Variants in HYDIN observed in about 807,000 individuals in gnomAD.
The protein encoded by HYDIN is axonemal central pair apparatus protein HYDIN.
Under a neutral mutation model 403.9 loss-of-function variants are expected in HYDIN, and 132 were observed. That is an observed-to-expected ratio of 0.33 (90% CI 0.28 to 0.38). The LOEUF is 0.38. Ranked by LOEUF, HYDIN falls within the 10% of genes least tolerant of loss-of-function variation. The probability of loss-of-function intolerance (pLI) is 1.00; values close to 1 mark genes in which losing one functional copy is unlikely to be tolerated. For synonymous variants in HYDIN, 1,202 were observed against 1,891.7 expected, an observed-to-expected ratio of 0.64 and a Z score of 9.46; for missense variants, 2,827 against 5,009.5, an observed-to-expected ratio of 0.56 and a Z score of 13.15.
intron 80 of HYDIN, among the ~76,000 whole-genome samples, chr16:70,831,308 G>C (rs2036966839): frequency 6.6e-6 from 1 of 151,696 alleles, no homozygotes; most frequent in Non-Finnish European, 1.5e-5. Context: ...TCAGGAGTTT[G>C]AGACCAACCC....
At position 70,840,220 on chromosome 16, in the gene HYDIN, G is replaced by A; in HGVS notation, c.12887C>T (p.Pro4296Leu). 2.2e-6 allele frequency: 2 copies of A among 909,990 alleles called. No individual in the cohort carries two copies. The highest frequency in any genetic ancestry group is 3.3e-6 in the Non-Finnish European group (2 of 608,836). The allele number at this position is 909,990 out of a possible 1,614,324, so 56.4% of individuals were successfully genotyped here. ...GCCTGAGATGTTGCACATAAATGTTGGACCATGGCTGATCTGTGAGGAGGA... is the reference window on the plus strand; with the variant it reads ...GCCTGAGATGTTGCACATAAATGTTAGACCATGGCTGATCTGTGAGGAGGA... ...LELIIKISHG[P>L]TFMCNISGCA... The change falls in exon 76 of 86, where the codon CCA becomes CTA. Residue 4296 changes from proline to leucine, a missense_variant. Transcript: ENST00000393567.
rs888794030 is a variant in HYDIN, at chr16:70,806,063, G to A, written c.*1517C>T. On this transcript the variant is annotated 3_prime_UTR_variant, in exon 86 of 86. Coordinates refer to ENST00000393567, the MANE Select transcript of HYDIN (RefSeq NM_001270974.2). ...TTAGCAGGTCAACTGTCATGGGATC[G>A]CAATGCTTGTGTTCAAGGAAACCTT... Among the ~76,000 whole-genome samples, 9 of 152,142 alleles carry A rather than the reference G, an allele frequency of 5.9e-5. No individual in the cohort carries two copies. Among genetic ancestry groups the A allele is most frequent in the Non-Finnish European group, 7.3e-5 (5 of 68,032 alleles).
chr16:71,230,099 G>C (rs1482395076), intron 1 of HYDIN, among the ~76,000 whole-genome samples: 1 of 152,238 alleles, frequency 6.6e-6, no homozygotes, highest in East Asian at 1.9e-4. Flanking sequence ...CCCCAGCCAA[G>C]TGGAACTGTG....
chr16:70,938,730 C>G lies in HYDIN; in HGVS notation c.6879G>C (p.Glu2293Asp). ...QEERKHKGAL[E>D]KEKERLQNMD... ...TGTTTTGGAGACGCTCCTTCTCTTT[C>G]TCAAGAGCTCCCTTGTGCTTGCGTT... Residue 2293 changes from glutamate to aspartate, a missense_variant, in exon 44 of 86, where the codon GAG (glutamate) becomes GAC (aspartate). By Grantham distance (45) the Glu-to-Asp change is conservative. Coordinates refer to ENST00000393567, the MANE Select transcript of HYDIN (RefSeq NM_001270974.2). The G allele has an allele frequency of 6.2e-7, 1 of 1,614,188 alleles. No homozygotes were observed. Among genetic ancestry groups the G allele is most frequent in the Non-Finnish European group, 8.5e-7 (1 of 1,180,050 alleles).
At chr16:70,824,851 T>A (rs1315730110) in intron 83 of HYDIN, among the ~76,000 whole-genome samples, 7 of 151,516 alleles carry the variant, frequency 4.6e-5, no homozygotes, top group Non-Finnish European at 1.0e-4. Flanking sequence ...GTGGGTTACT[T>A]TTTTTTTTCT....
rs1478080506 is a variant in HYDIN, at chr16:70,812,287, C to T, written c.14659-2280G>A. On this transcript the variant is annotated intron_variant, in intron 84 of 85. Transcript: ENST00000393567. ...GGAGGATCACTTGAGGCCAGGAGTT[C>T]AAGACCAGCCTGGCCAACATGGTGA... Among the ~76,000 whole-genome samples, 40 of 142,838 alleles carry T rather than the reference C, an allele frequency of 2.8e-4. No homozygotes were observed. The Admixed American group carries it at 2.8e-3, about 10-fold the overall frequency. 93.7% of individuals were successfully genotyped at this position (142,838 alleles called of 152,430 possible).
intron 1 of HYDIN, among the ~76,000 whole-genome samples, chr16:71,205,882 C>T (rs1182157267): frequency 1.3e-5 from 2 of 152,194 alleles, no homozygotes; most frequent in Non-Finnish European, 2.9e-5. Flanking sequence ...TGTGTGAACT[C>T]AGCTAAAGAG....
chr16:70,938,799 C>T, intron 43 of HYDIN, 44 bp from the exon 44 acceptor site: 1 of 1,609,480 alleles, frequency 6.2e-7, no homozygotes, highest in Non-Finnish European at 8.5e-7. Context: ...AAGTCCTTCT[C>T]AGTCTCGCTA....
At chr16:71,215,099 T>C (rs2144742227) in intron 1 of HYDIN, among the ~76,000 whole-genome samples, 1 of 152,122 alleles carries the variant, frequency 6.6e-6, no homozygotes, top group African/African-American at 2.4e-5. Context: ...ATCAATCAAA[T>C]AACATAGAGG....
rs372720976 is a variant in HYDIN, at chr16:71,069,437, G to C, written c.1804C>G (p.Arg602Gly). The C allele has an allele frequency of 3.7e-5, 59 of 1,613,816 alleles. No homozygotes were observed. The highest frequency in any genetic ancestry group is 4.9e-5 in the Non-Finnish European group (58 of 1,179,896). Residue 602 changes from arginine (R) to glycine (G), a missense_variant, in exon 14 of 86, where the codon CGT becomes GGT. Physicochemically the swap from Arg to Gly is moderately radical, Grantham distance 125. Transcript: ENST00000393567. ...TSLIPMTYKL[R>G]IPGDGLGHKS... ...TGGCCAAGGCCATCCCCAGGGATAC[G>C]CAGTTTGTAAGTCATGGGGATCAAA...
At chr16:70,901,543 G>A (rs1371408770) in intron 52 of HYDIN, among the ~76,000 whole-genome samples, 2 of 149,052 alleles carry the variant, frequency 1.3e-5, no homozygotes, top group Non-Finnish European at 3.0e-5. Context: ...GCATTAGTTT[G>A]CTAAGGATAA....
intron 24 of HYDIN, among the ~76,000 whole-genome samples, chr16:70,991,835 C>A (rs1279091025): frequency 1.3e-5 from 2 of 151,912 alleles, no homozygotes; most frequent in African/African-American, 4.8e-5. Context: ...TGACTGTAGA[C>A]CTTGGACATA....
At chr16:71,190,843 A>T (rs1269550009) in intron 1 of HYDIN, among the ~76,000 whole-genome samples, 1 of 152,212 alleles carries the variant, frequency 6.6e-6, no homozygotes, top group Non-Finnish European at 1.5e-5. Context: ...TACCAGCCCA[A>T]TTGCAGGAGA....
chr16:70,877,159 C>T (rs1427557387), intron 62 of HYDIN, among the ~76,000 whole-genome samples: 2 of 146,190 alleles, frequency 1.4e-5, no homozygotes, highest in Non-Finnish European at 3.0e-5. Context: ...GAATGAAGCC[C>T]AGAGGAAAAG....
chr16:70,902,006 A>C (rs549411228), intron 52 of HYDIN, among the ~76,000 whole-genome samples: 21 of 151,992 alleles, frequency 1.4e-4, no homozygotes, highest in Non-Finnish European at 2.2e-4. Context: ...GTTTCATTGA[A>C]AAAAAAATTC....
At chr16:70,851,342 T>C (rs1264873112) in intron 73 of HYDIN, among the ~76,000 whole-genome samples, 1 of 151,270 alleles carries the variant, frequency 6.6e-6, no homozygotes, top group Non-Finnish European at 1.5e-5. Context: ...ACAGGTCTAA[T>C]ATCCAGAATC....
intron 42 of HYDIN, among the ~76,000 whole-genome samples, chr16:70,943,037 T>C (rs2077731208): frequency 6.6e-6 from 1 of 152,172 alleles, no homozygotes; most frequent in African/African-American, 2.4e-5. Context: ...CAAGTTAATT[T>C]TGTTGTATTT....
chr16:70,965,269 CA>C (rs2078539041), intron 36 of HYDIN, among the ~76,000 whole-genome samples: 1 of 152,098 alleles, frequency 6.6e-6, no homozygotes, highest in African/African-American at 2.4e-5. Context: ...TTGTGGTTAG[CA>C]ATTTTACATT....
intron 73 of HYDIN, among the ~76,000 whole-genome samples, chr16:70,853,603 C>T (rs1798318): frequency 1.4e-5 from 2 of 139,490 alleles, no homozygotes; most frequent in Non-Finnish European, 3.0e-5. Context: ...ATCACAAAAG[C>T]AATGTATGTG....
Sources: gnomAD v4.1 joint callset for allele counts (sites outside exome capture counted in the v4.1 genomes callset) on GRCh38, gnomAD v4.1.1 for gene constraint, MANE v1.5 for transcripts, NCBI Gene and HGNC (gene_info 2026-07-23, HGNC 2026-07-21) for gene names.